CDYL2: variants seen among roughly 807,000 people sequenced by gnomAD.
CDYL2 encodes chromodomain Y like 2, also known as chromodomain Y-like protein 2.
A neutral mutation model predicts 49.4 loss-of-function variants in CDYL2; 23 were observed. The ratio of observed to expected loss-of-function variants is 0.47; its 90% CI spans 0.34 to 0.66. CDYL2 has a LOEUF of 0.66. Among genes scored for constraint, CDYL2 ranks in the 30% least tolerant of loss-of-function variants. The pLI is 0.01. For synonymous variants in CDYL2, 360 were observed against 268.8 expected (o/e 1.34, Z -3.32); for missense variants, 678 against 656.4 (o/e 1.03, Z -0.36).
At chr16:80,735,560 C>A (rs1306952560) in intron 1 of CDYL2, among the ~76,000 whole-genome samples, 1 of 152,148 alleles carries the variant, frequency 6.6e-6, no homozygotes, top group Non-Finnish European at 1.5e-5. Flanking sequence ...CTATAAGGCT[C>A]CAGTGATCTG....
At chr16:80,745,026 T>C (rs1597111900) in intron 1 of CDYL2, among the ~76,000 whole-genome samples, 1 of 152,234 alleles carries the variant, frequency 6.6e-6, no homozygotes, top group South Asian at 2.1e-4. Flanking sequence ...GAGTGACAGA[T>C]ACAGGATGAC....
In CDYL2 at chr16:80,753,717, G is replaced by C. The variant is rs373263520; in HGVS notation, c.24+50433C>G. Among the ~76,000 whole-genome samples, 27 of 152,282 alleles carry C rather than the reference G, an allele frequency of 1.8e-4. 1 individual carries two copies. In the South Asian group the frequency reaches 5.4e-3, roughly 30 times the overall value. On this transcript the variant is annotated intron_variant, in intron 1 of 6. Transcript: ENST00000570137. Reference sequence around the variant, plus strand: ...TGGCAAAGTGCCTTCATGACCTTCAGATAGAAAATCTCTTCTTAAACCAGG... The same window carrying C: ...TGGCAAAGTGCCTTCATGACCTTCACATAGAAAATCTCTTCTTAAACCAGG...
At chr16:80,619,227 T>C (rs573378167) in intron 4 of CDYL2, among the ~76,000 whole-genome samples, 1 of 152,322 alleles carries the variant, frequency 6.6e-6, no homozygotes, top group East Asian at 1.9e-4. Context: ...CAGGATGATC[T>C]CACCTCAGGA....
intron 1 of CDYL2, among the ~76,000 whole-genome samples, chr16:80,701,295 C>A (rs894917810): frequency 3.9e-5 from 6 of 152,284 alleles, no homozygotes; most frequent in African/African-American, 1.4e-4. Flanking sequence ...TGTTAATCTT[C>A]TATGGTTATT....
intron 1 of CDYL2, among the ~76,000 whole-genome samples, chr16:80,729,572 A>T (rs1463946332): frequency 6.6e-6 from 1 of 152,100 alleles, no homozygotes; most frequent in African/African-American, 2.4e-5. Flanking sequence ...GATACCCAGG[A>T]ATTGAACTCA....
rs531391861 is a variant in CDYL2 at position 80,792,819 on chromosome 16, G to A, written c.24+11331C>T. 2.3e-4 allele frequency among the ~76,000 whole-genome samples: 35 copies of A among 152,224 alleles called. 1 individual carries two copies. The South Asian group carries it at 6.9e-3, about 30-fold the overall frequency. The stretch of plus-strand genomic sequence containing the variant: ...ACAGATGTGTCCCTCAAAGGGAACT[G>A]CCCTCTGCCACAGGTAACTACTCCG... On this transcript the variant is annotated intron_variant, in intron 1 of 6. Coordinates refer to ENST00000570137, the MANE Select transcript of CDYL2 (RefSeq NM_152342.4).
At chr16:80,774,007 G>A (rs764482211) in intron 1 of CDYL2, among the ~76,000 whole-genome samples, 2 of 152,090 alleles carry the variant, frequency 1.3e-5, no homozygotes, top group Non-Finnish European at 2.9e-5. Context: ...GGGAGCTCTG[G>A]GGTGCTGGCA....
intron 1 of CDYL2, among the ~76,000 whole-genome samples, chr16:80,688,034 G>A (rs1189920992): frequency 6.6e-6 from 1 of 152,198 alleles, no homozygotes; most frequent in Non-Finnish European, 1.5e-5. Context: ...ATGGAAGGTG[G>A]CTATGCATAG....
rs1567570322 is a variant in CDYL2, at chr16:80,684,820, G to A, written c.334C>T (p.Pro112Ser). ...TSHKRKRINP[P>S]LAKPKKGYSG... ...TACCCTTTTTTTGGCTTGGCCAGGG[G>A]AGGGTTAATTCGCTTCCGTTTATGG... Residue 112 changes from proline (P) to serine (S), a missense_variant, in exon 2 of 7, where the codon CCC becomes TCC. Coordinates refer to ENST00000570137, the MANE Select transcript of CDYL2 (RefSeq NM_152342.4). The A allele has an allele frequency of 3.1e-6, 5 of 1,614,178 alleles. No homozygotes were observed. In the African/African-American group the frequency reaches 4.0e-5, roughly 13 times the overall value.
chr16:80,698,383 T>C (rs77188705), intron 1 of CDYL2, among the ~76,000 whole-genome samples: 19 of 152,208 alleles, frequency 1.2e-4, no homozygotes, highest in African/African-American at 4.6e-4. Context: ...ATATCCAGAA[T>C]ATACAAGGAA....
At chr16:80,711,649 C>G (rs1314872281) in intron 1 of CDYL2, among the ~76,000 whole-genome samples, 2 of 152,156 alleles carry the variant, frequency 1.3e-5, no homozygotes, top group Non-Finnish European at 2.9e-5. Context: ...TTCCTTTCAT[C>G]TTCAGAAATG....
At chr16:80,630,718 A>C (rs1907523004) in intron 3 of CDYL2, among the ~76,000 whole-genome samples, 1 of 152,036 alleles carries the variant, frequency 6.6e-6, no homozygotes, top group Non-Finnish European at 1.5e-5. Context: ...CACAACCCCA[A>C]AGCTTTAGCC....
At chr16:80,779,570 T>C (rs924464327) in intron 1 of CDYL2, among the ~76,000 whole-genome samples, 2 of 152,120 alleles carry the variant, frequency 1.3e-5, no homozygotes, top group Non-Finnish European at 2.9e-5. Flanking sequence ...AGAAAGCTTA[T>C]ACCCCTGTTT....
intron 2 of CDYL2, among the ~76,000 whole-genome samples, chr16:80,672,352 C>CACAGAGAGAGAGAG (rs68130206): frequency 3.4e-5 from 4 of 117,772 alleles, no homozygotes; most frequent in Non-Finnish European, 7.0e-5. Context: ...CACACACACA[C>CACAGAGAGAGAGAG]AGAGAGAGAG....
rs755058318 is a variant in CDYL2 at position 80,654,828 on chromosome 16, C to T, written c.617-21592G>A. On this transcript the variant is annotated intron_variant, in intron 2 of 6. Coordinates refer to ENST00000570137, the MANE Select transcript of CDYL2 (RefSeq NM_152342.4). ...TCAGGCTTTGTCAAACATCAAGATG[C>T]AGCTCCTGACACCAGGTAAAATGAT... Among the ~76,000 whole-genome samples, 7 of 152,248 alleles carry T rather than the reference C, an allele frequency of 4.6e-5. No individual in the cohort carries two copies. In the East Asian group the frequency reaches 1.2e-3, roughly 25 times the overall value.
intron 4 of CDYL2, among the ~76,000 whole-genome samples, chr16:80,617,459 G>T (rs1287787627): frequency 6.6e-6 from 1 of 152,224 alleles, no homozygotes; most frequent in Non-Finnish European, 1.5e-5. Flanking sequence ...CTTGCAGTAT[G>T]AATCAAGCTC....
chr16:80,653,118 A>G (rs1025026153), intron 2 of CDYL2, among the ~76,000 whole-genome samples: 28 of 152,246 alleles, frequency 1.8e-4, no homozygotes, highest in Non-Finnish European at 3.7e-4. Flanking sequence ...TGGGCTATAT[A>G]GAAACTTGCT....
intron 1 of CDYL2, among the ~76,000 whole-genome samples, chr16:80,772,947 T>A (rs572028254): frequency 4.9e-4 from 75 of 152,274 alleles, no homozygotes; most frequent in African/African-American, 1.6e-3. Flanking sequence ...ATGGTAGTTT[T>A]AAGCTCAAAT....
At chr16:80,674,267 T>C (rs530752390) in intron 2 of CDYL2, among the ~76,000 whole-genome samples, 6 of 152,246 alleles carry the variant, frequency 3.9e-5, no homozygotes, top group African/African-American at 1.4e-4. Context: ...GCACGTGTCT[T>C]CTTTAAGCAT....
Sources: gnomAD v4.1 joint callset for allele counts (sites outside exome capture counted in the v4.1 genomes callset) on GRCh38, gnomAD v4.1.1 for gene constraint, MANE v1.5 for transcripts, NCBI Gene and HGNC (gene_info 2026-07-23, HGNC 2026-07-21) for gene names.